Variants in CDH18 observed in about 807,000 individuals in gnomAD.
The protein encoded by CDH18 is cadherin-18.
In CDH18, 31 loss-of-function variants were observed where a neutral mutation model predicts 67.9. The observed-to-expected ratio is 0.46, with a 90% CI of 0.34 to 0.62. The LOEUF (loss-of-function observed/expected upper bound fraction) is 0.62, where lower values mean the gene tolerates loss of function less well. CDH18 is among the 20% of genes least tolerant of loss of function. CDH18 has a pLI of 0.01. For missense variants in CDH18, 890 were observed against 975.5 expected (o/e 0.91, Z 1.17); for synonymous variants, 362 against 347.2 (o/e 1.04, Z -0.48).
chr5:19,501,931 T>G (rs1009082155), intron 11 of CDH18, among the ~76,000 whole-genome samples: 2 of 152,210 alleles, frequency 1.3e-5, no homozygotes, highest in Non-Finnish European at 2.9e-5. Flanking sequence ...CAATTTGTCA[T>G]ACACAAACAT....
chr5:19,847,190 T>C (rs1456052801), intron 2 of CDH18, among the ~76,000 whole-genome samples: 1 of 152,134 alleles, frequency 6.6e-6, no homozygotes, highest in Non-Finnish European at 1.5e-5. Context: ...TTGGAAGTTT[T>C]CTGCCATCAT....
chr5:19,858,910 G>T (rs1002457670), intron 2 of CDH18, among the ~76,000 whole-genome samples: 1 of 151,984 alleles, frequency 6.6e-6, no homozygotes, highest in Non-Finnish European at 1.5e-5. Context: ...CATACAACTA[G>T]GGTTGCCTGA....
chr5:19,890,942 A>C (rs965507211), intron 2 of CDH18, among the ~76,000 whole-genome samples: 5 of 152,194 alleles, frequency 3.3e-5, no homozygotes, highest in African/African-American at 1.2e-4. Flanking sequence ...TGGAATCAGA[A>C]AAAGAAGATT....
chr5:20,319,434 T>A (rs1275222039), intron 1 of CDH18, among the ~76,000 whole-genome samples: 1 of 152,224 alleles, frequency 6.6e-6, no homozygotes, highest in Non-Finnish European at 1.5e-5. Flanking sequence ...GACTCTTCCA[T>A]AAGCCTCCCT....
intron 1 of CDH18, among the ~76,000 whole-genome samples, chr5:20,546,149 C>T (rs921422322): frequency 1.3e-5 from 2 of 152,140 alleles, no homozygotes; most frequent in African/African-American, 4.8e-5. Flanking sequence ...GTCCTAATCT[C>T]CATCTGAGAC....
intron 3 of CDH18, among the ~76,000 whole-genome samples, chr5:19,764,360 G>C (rs1195621725): frequency 6.6e-6 from 1 of 151,948 alleles, no homozygotes; most frequent in Non-Finnish European, 1.5e-5. Flanking sequence ...CCCATAATTT[G>C]TTGGTAATTG....
chr5:20,498,642 A>G (rs1754055185), intron 1 of CDH18, among the ~76,000 whole-genome samples: 1 of 152,096 alleles, frequency 6.6e-6, no homozygotes, highest in Non-Finnish European at 1.5e-5. Flanking sequence ...CCTTTAGTTG[A>G]TAACATATTT....
chr5:19,759,419 A>G (rs550610258), intron 3 of CDH18, among the ~76,000 whole-genome samples: 3 of 152,230 alleles, frequency 2.0e-5, no homozygotes, highest in South Asian at 2.1e-4. Flanking sequence ...TCCCACCATA[A>G]TACCCCTCAA....
intron 5 of CDH18, among the ~76,000 whole-genome samples, chr5:19,714,251 G>A (rs1047298032): frequency 6.8e-6 from 1 of 146,906 alleles, no homozygotes; most frequent in Non-Finnish European, 1.5e-5. Context: ...GAGCAGTGTT[G>A]ATAGATACAG....
rs572438704 is a variant in CDH18 at position 19,921,395 on chromosome 5, G to A, written c.-257+59665C>T. 3.5e-3 allele frequency among the ~76,000 whole-genome samples: 527 copies of A among 152,044 alleles called. 2 individuals carry two copies. The highest frequency in any genetic ancestry group is 0.02 in the Middle Eastern group (6 of 294). ...AAATACAAATAATTAGCCAGGAGTGGTGGCGGGCACCTGTAGTCCCAGCTA... is the reference window on the plus strand; with the variant it reads ...AAATACAAATAATTAGCCAGGAGTGATGGCGGGCACCTGTAGTCCCAGCTA... On this transcript the variant is annotated intron_variant, in intron 2 of 12. Transcript: ENST00000382275.
chr5:19,676,297 C>G (rs2150367014), intron 5 of CDH18, among the ~76,000 whole-genome samples: 1 of 152,072 alleles, frequency 6.6e-6, no homozygotes, highest in East Asian at 1.9e-4. Flanking sequence ...AAAAATTACC[C>G]CAACTTCGCT....
At chr5:19,972,248 C>A (rs73762471) in intron 2 of CDH18, among the ~76,000 whole-genome samples, 4,443 of 152,064 alleles carry the variant, frequency 0.029, 242 homozygotes, top group East Asian at 0.22. Flanking sequence ...GTTTCCTTAG[C>A]ATCTTGAAAT....
At chr5:19,695,134 T>C (rs370772535) in intron 5 of CDH18, among the ~76,000 whole-genome samples, 233 of 152,218 alleles carry the variant, frequency 1.5e-3, no homozygotes, top group African/African-American at 5.4e-3. Context: ...CATGCCTGTA[T>C]GTGTGAAAGG....
chr5:19,783,317 T>C (rs1423888279), intron 3 of CDH18, among the ~76,000 whole-genome samples: 1 of 152,118 alleles, frequency 6.6e-6, no homozygotes. Flanking sequence ...TTAACCTCTC[T>C]GAAATGGGTT....
chr5:19,666,894 A>G (rs1004202123), intron 5 of CDH18, among the ~76,000 whole-genome samples: 2 of 152,088 alleles, frequency 1.3e-5, no homozygotes, highest in Non-Finnish European at 2.9e-5. Flanking sequence ...TTTCTGTTGG[A>G]TAATGGAGAA....
intron 5 of CDH18, among the ~76,000 whole-genome samples, chr5:19,659,373 A>G (rs1756858439): frequency 6.6e-6 from 1 of 152,168 alleles, no homozygotes; most frequent in South Asian, 2.1e-4. Flanking sequence ...TGACTATCAA[A>G]ATAGTTAAAT....
chr5:19,924,897 CAA>C (rs2150180278), intron 2 of CDH18, among the ~76,000 whole-genome samples: 1 of 152,170 alleles, frequency 6.6e-6, no homozygotes, highest in East Asian at 1.9e-4. Context: ...CTCTATTTGA[CAA>C]AGTGGCATTT....
intron 2 of CDH18, among the ~76,000 whole-genome samples, chr5:20,240,238 T>A (rs1160490232): frequency 6.6e-6 from 1 of 151,528 alleles, no homozygotes; most frequent in African/African-American, 2.4e-5. Flanking sequence ...TTAGACTTAA[T>A]ACATTAGTTT....
chr5:20,512,796 A>T (rs1381025026), intron 1 of CDH18, among the ~76,000 whole-genome samples: 8 of 151,586 alleles, frequency 5.3e-5, no homozygotes, highest in Non-Finnish European at 1.5e-5. Flanking sequence ...AGGCAGGAGA[A>T]TCACTTAAAC....
Sources: allele counts gnomAD v4.1 joint callset (sites outside exome capture counted in the v4.1 genomes callset), GRCh38; gene constraint gnomAD v4.1.1; transcripts MANE v1.5; gene names NCBI Gene and HGNC (gene_info 2026-07-23, HGNC 2026-07-21).